Variants in SERPINE3 observed in about 807,000 individuals in gnomAD.
SERPINE3 encodes the protein serpin family E member 3, also known as serpin E3.
Under a neutral mutation model 41.7 loss-of-function variants are expected in SERPINE3, and 43 were observed. The ratio of observed to expected loss-of-function variants is 1.03; its 90% CI spans 0.81 to 1.33. The LOEUF (loss-of-function observed/expected upper bound fraction) is 1.33, where lower values mean the gene tolerates loss of function less well. Among genes scored for constraint, SERPINE3 ranks in the 40% most tolerant of loss-of-function variants. SERPINE3 has a pLI of 0.00. For synonymous variants in SERPINE3, 200 were observed against 192.2 expected (o/e 1.04, Z -0.34); for missense variants, 440 against 491.7 (o/e 0.89, Z 0.99).
Position 51,355,114 on chromosome 13 carries a change from C to T in SERPINE3, c.971C>T (p.Pro324Leu), listed in dbSNP as rs778775448. ...NSWGVTDLFD[P>L]LKANLKGISG... ...TGGGGAGTCACCGATCTTTTTGATCCACTCAAAGCTAACTTGAAAGGAATT... is the reference window on the plus strand; with the variant it reads ...TGGGGAGTCACCGATCTTTTTGATCTACTCAAAGCTAACTTGAAAGGAATT... Residue 324 changes from proline (P) to leucine (L), a missense_variant, in exon 7 of 10, where the codon CCA (proline) becomes CTA (leucine). Pro to Leu is a moderately conservative substitution (Grantham distance 98, BLOSUM62 -3). Coordinates refer to ENST00000681248, the MANE Select transcript of SERPINE3 (RefSeq NM_001386375.1). The T allele has an allele frequency of 1.7e-5, 26 of 1,543,802 alleles. No homozygotes were observed. The highest frequency in any genetic ancestry group is 2.2e-5 in the Non-Finnish European group (25 of 1,138,318).
intron 6 of SERPINE3, among the ~76,000 whole-genome samples, chr13:51,351,022 A>G (rs1021436533): frequency 6.6e-6 from 1 of 152,156 alleles, no homozygotes; most frequent in Non-Finnish European, 1.5e-5. Flanking sequence ...TTGATATAGT[A>G]CATTTTGTTT....
At chr13:51,362,700 G>T (rs574439425) in intron 9 of SERPINE3, 2 of 152,446 alleles carry the variant, frequency 1.3e-5, no homozygotes, top group Admixed American at 6.6e-5. Flanking sequence ...TATTTATGGA[G>T]AAAAATGTCA....
chr13:51,359,138 T>TC (rs984038246), intron 7 of SERPINE3, among the ~76,000 whole-genome samples: 5 of 152,176 alleles, frequency 3.3e-5, no homozygotes, highest in African/African-American at 1.2e-4. Flanking sequence ...AGGGCGTATG[T>TC]CCCTCAATGG....
At chr13:51,341,780 A>G (rs186171723) in intron 3 of SERPINE3, among the ~76,000 whole-genome samples, 1 of 152,282 alleles carries the variant, frequency 6.6e-6, no homozygotes, top group East Asian at 1.9e-4. Context: ...TGATAATTTT[A>G]TTATCATCCC....
chr13:51,350,089 T>A (rs972800781), intron 6 of SERPINE3, among the ~76,000 whole-genome samples: 2 of 152,166 alleles, frequency 1.3e-5, no homozygotes, highest in African/African-American at 4.8e-5. Flanking sequence ...ATTCTTCTTT[T>A]AGTATGACTT....
At chr13:51,346,850 T>TA (rs1192263719) in intron 4 of SERPINE3, among the ~76,000 whole-genome samples, 175 bp from the exon 5 acceptor site, 4 of 152,346 alleles carry the variant, frequency 2.6e-5, no homozygotes, top group Admixed American at 2.6e-4. Context: ...GACAGGGAAT[T>TA]AAATATTCTT....
chr13:51,361,454 C>T (rs1955573226), intron 8 of SERPINE3, 90 bp downstream of exon 8: 5 of 824,466 alleles, frequency 6.1e-6, no homozygotes, highest in Non-Finnish European at 1.0e-5. Context: ...CTGAATCTTT[C>T]CATAACCCCC....
At position 51,364,268 on chromosome 13, in the gene SERPINE3, A is replaced by T. The variant is rs2137841218; in HGVS notation, c.1201A>T (p.Asn401Tyr). 2 of 1,481,532 alleles carry T rather than the reference A, an allele frequency of 1.3e-6. No individual in the cohort carries two copies. Among genetic ancestry groups the T allele is most frequent in the East Asian group, 5.0e-5 (2 of 40,342 alleles). 91.8% of individuals were successfully genotyped at this position (1,481,532 alleles called of 1,614,324 possible). A position where few individuals can be genotyped will look rare whatever the true frequency, so the allele number is the denominator to read the frequency against. The stretch of plus-strand genomic sequence containing the variant: ...TGTCTTCAGTATTGGGAGAGTTTCA[A>T]ATCCCCTAGACTAAATGCATGTTCT... ...GFVFSIGRVSNPLD is the reference protein window; with the variant it reads ...GFVFSIGRVSYPLD Residue 401 changes from asparagine (N) to tyrosine (Y), a missense_variant, in exon 10 of 10, where the codon AAT (asparagine) becomes TAT (tyrosine). By Grantham distance (143) the Asn-to-Tyr change is moderately radical. Transcript: ENST00000681248.
intron 5 of SERPINE3, 98 bp downstream of exon 5, chr13:51,347,332 T>C (rs565005578): frequency 9.5e-7 from 1 of 1,048,890 alleles, no homozygotes; most frequent in African/African-American, 1.6e-5. Flanking sequence ...GGGATCGGGA[T>C]GTGTTTCCGC....
intron 7 of SERPINE3, among the ~76,000 whole-genome samples, chr13:51,358,793 G>A (rs1955518950): frequency 6.6e-6 from 1 of 152,064 alleles, no homozygotes. Flanking sequence ...GGGAGGGTAG[G>A]AAGAGTATCA....
chr13:51,361,075 C>T (rs572357123), intron 7 of SERPINE3, among the ~76,000 whole-genome samples: 1 of 152,016 alleles, frequency 6.6e-6, no homozygotes, highest in African/African-American at 2.4e-5. Context: ...AGTTTGGTAA[C>T]ATATTGAGTC....
chr13:51,350,010 C>A (rs992109298), intron 6 of SERPINE3, among the ~76,000 whole-genome samples: 1 of 152,174 alleles, frequency 6.6e-6, no homozygotes, highest in Non-Finnish European at 1.5e-5. Context: ...TAGGTATAAA[C>A]TTTGGATCAC....
rs1186215569 is a variant in SERPINE3 at position 51,348,352 on chromosome 13, C to T, written c.840C>T (p.Ser280=). ...LSHIEPHLTA[S]TIHLWTTSLR... is the part of the protein sequence containing the mutation. ...ACATCGAGCCACACCTCACAGCCAG[C>T]ACCATCCACCTCTGGACCACCAGCC... The change falls in exon 6 of 10, where the codon AGC becomes AGT. Residue 280 remains serine (S), a synonymous_variant. Coordinates refer to ENST00000681248, the MANE Select transcript of SERPINE3 (RefSeq NM_001386375.1). The T allele has an allele frequency of 1.2e-6, 2 of 1,613,842 alleles. No individual in the cohort carries two copies. Among genetic ancestry groups the T allele is most frequent in the African/African-American group, 2.7e-5 (2 of 74,920 alleles).
intron 7 of SERPINE3, among the ~76,000 whole-genome samples, chr13:51,359,306 A>G (rs563780415): frequency 1.3e-5 from 2 of 152,206 alleles, no homozygotes; most frequent in Admixed American, 1.3e-4. Context: ...TGGGAGGAAA[A>G]ATGCAAAACC....
rs372630479 is a variant in SERPINE3 at position 51,341,180 on chromosome 13, A to G, written c.89A>G (p.Lys30Arg). ...GHLREGMTLL[K>R]TEFALHLYQS... ...CTCCGTGAAGGAATGACATTGCTGA[A>G]GACTGAGTTTGCACTTCACCTCTAC... The change falls in exon 3 of 10, where the codon AAG becomes AGG. Residue 30 changes from lysine (K) to arginine (R), a missense_variant. By Grantham distance (26) the Lys-to-Arg change is conservative. Coordinates refer to ENST00000681248, the MANE Select transcript of SERPINE3 (RefSeq NM_001386375.1). The G allele has an allele frequency of 4.0e-5, 65 of 1,613,890 alleles. No individual in the cohort carries two copies. The highest frequency in any genetic ancestry group is 5.3e-5 in the Non-Finnish European group (63 of 1,179,902).
chr13:51,353,660 A>G (rs1327330507), intron 6 of SERPINE3, among the ~76,000 whole-genome samples: 2 of 152,246 alleles, frequency 1.3e-5, no homozygotes, highest in Non-Finnish European at 2.9e-5. Flanking sequence ...AAATGTCAGC[A>G]TACTTGGAGA....
chr13:51,341,331 G>C lies in SERPINE3; in HGVS notation c.240G>C (p.Leu80=), dbSNP rs760954897. Residue 80 remains leucine (L), a synonymous_variant, in exon 3 of 10, where the codon CTG becomes CTC. Transcript: ENST00000681248. ...CTGGTCAGCAGCTGGCAGATGCCCT[G>C]GGGTACACTGTCCATGGTAAGAGGC... The part of the protein sequence containing the change: ...GSTGQQLADA[L]GYTVHDKRVK... 6.2e-7 allele frequency: 1 copy of C among 1,601,606 alleles called. No homozygotes were observed. Among genetic ancestry groups the C allele is most frequent in the Middle Eastern group, 1.7e-4 (1 of 6,046 alleles).
intron 8 of SERPINE3, 63 bp from the exon 9 acceptor site, chr13:51,361,747 C>T (rs1955581342): frequency 7.1e-7 from 1 of 1,405,294 alleles, no homozygotes; most frequent in Non-Finnish European, 9.7e-7. Context: ...TACTTCATAA[C>T]CAATAGTTAT....
At chr13:51,343,351 G>C (rs1207550433) in intron 3 of SERPINE3, among the ~76,000 whole-genome samples, 1 of 152,226 alleles carries the variant, frequency 6.6e-6, no homozygotes, top group Non-Finnish European at 1.5e-5. Context: ...TGAGAAGCTT[G>C]GGGTACGCCA....
Sources: gnomAD v4.1 joint callset for allele counts (sites outside exome capture counted in the v4.1 genomes callset) on GRCh38, gnomAD v4.1.1 for gene constraint, MANE v1.5 for transcripts, NCBI Gene and HGNC (gene_info 2026-07-23, HGNC 2026-07-21) for gene names.